XPO7: variants seen among roughly 807,000 people sequenced by gnomAD.
XPO7 encodes the protein exportin 7.
XPO7 carries 21 observed loss-of-function variants against 144.3 expected under a neutral mutation model. The ratio of observed to expected loss-of-function variants is 0.15; its 90% CI spans 0.10 to 0.21. The LOEUF is 0.21. XPO7 is among the 10% of genes least tolerant of loss of function. XPO7 has a pLI of 1.00. For synonymous variants in XPO7, 580 were observed against 499.6 expected (o/e 1.16, Z -2.15); for missense variants, 808 against 1,325.8 (o/e 0.61, Z 6.06).
chr8:21,950,352 T>G (rs1031282459), intron 1 of XPO7, among the ~76,000 whole-genome samples: 2 of 152,238 alleles, frequency 1.3e-5, no homozygotes, highest in African/African-American at 2.4e-5. Context: ...TAATTAGCTT[T>G]AGTGCCATTC....
chr8:22,003,971 G>A lies in XPO7; in HGVS notation c.3111G>A (p.Leu1037=), dbSNP rs1282421850. ...CGGAGAAGCAGCAGGCCATGCACCT[G>A]TGTTTTGAGAACCTGATGGAAGGCA... ...QPPEKQQAMH[L]CFENLMEGIE... The change falls in exon 27 of 28, where the codon CTG becomes CTA. Residue 1037 remains leucine, a synonymous_variant. Transcript: ENST00000252512. 6.2e-7 allele frequency: 1 copy of A among 1,613,804 alleles called. No individual in the cohort carries two copies. Among genetic ancestry groups the A allele is most frequent in the African/African-American group, 1.3e-5 (1 of 74,894 alleles).
chr8:21,937,912 C>G (rs1012265263), intron 1 of XPO7, among the ~76,000 whole-genome samples: 1 of 152,136 alleles, frequency 6.6e-6, no homozygotes, highest in Non-Finnish European at 1.5e-5. Context: ...TAAACTCCCA[C>G]TTTCATTAAA....
chr8:21,956,562 G>T (rs1213244840), intron 1 of XPO7, among the ~76,000 whole-genome samples: 1 of 152,078 alleles, frequency 6.6e-6, no homozygotes, highest in African/African-American at 2.4e-5. Context: ...TGGATGTTAG[G>T]CCTATGGAAC....
rs762036131 is a variant in XPO7, at chr8:21,966,985, A to C, written c.147A>C (p.Leu49=). 2.9e-5 allele frequency: 46 copies of C among 1,613,314 alleles called. No individual in the cohort carries two copies. In the Admixed American group the frequency reaches 6.7e-4, roughly 23 times the overall value. ...NSPDCLSKCQ[L]LLERGSSSYS... Reference sequence around the variant, plus strand: ...CTGATTGCCTGAGCAAGTGCCAGCTACTCCTCGAAAGAGGAAGTGTGCGTA... The same window carrying C: ...CTGATTGCCTGAGCAAGTGCCAGCTCCTCCTCGAAAGAGGAAGTGTGCGTA... The change falls in exon 2 of 28, where the codon CTA becomes CTC. Residue 49 remains leucine, a synonymous_variant. Transcript: ENST00000252512.
intron 1 of XPO7, among the ~76,000 whole-genome samples, chr8:21,964,875 A>C (rs1811834717): frequency 6.6e-6 from 1 of 152,228 alleles, no homozygotes; most frequent in African/African-American, 2.4e-5. Context: ...GTTGTAATAA[A>C]CATAAACAAG....
chr8:21,958,205 A>G (rs1337193833), intron 1 of XPO7, among the ~76,000 whole-genome samples: 1 of 152,134 alleles, frequency 6.6e-6, no homozygotes, highest in Non-Finnish European at 1.5e-5. Context: ...GCCAGAAATA[A>G]AACTGATCCT....
intron 1 of XPO7, among the ~76,000 whole-genome samples, chr8:21,934,476 T>C (rs994615826): frequency 2.6e-5 from 4 of 152,038 alleles, no homozygotes; most frequent in East Asian, 3.9e-4. Flanking sequence ...GAGGTTACGG[T>C]GAGCCGAGAT....
intron 1 of XPO7, among the ~76,000 whole-genome samples, chr8:21,936,400 A>T (rs118128291): frequency 6.6e-6 from 1 of 152,168 alleles, no homozygotes; most frequent in East Asian, 1.9e-4. Flanking sequence ...TATCCATGTC[A>T]CTAGATTTCT....
chr8:21,940,285 G>A lies in XPO7; in HGVS notation c.18+20497G>A, dbSNP rs144007517. ...ATTTACCCTGCCTATTTCTTTGTGA[G>A]CTAAACCAATAGATAACTAAATAGT... On this transcript the variant is annotated intron_variant, in intron 1 of 27. Coordinates refer to ENST00000252512, the MANE Select transcript of XPO7 (RefSeq NM_015024.5). Among the ~76,000 whole-genome samples, 93 of 152,260 alleles carry A rather than the reference G, an allele frequency of 6.1e-4. No individual in the cohort carries two copies. The East Asian group carries it at 0.012, about 20-fold the overall frequency.
At chr8:21,968,048 G>A (rs548564737) in intron 2 of XPO7, among the ~76,000 whole-genome samples, 7 of 152,084 alleles carry the variant, frequency 4.6e-5, no homozygotes, top group Non-Finnish European at 5.9e-5. Context: ...CTTCCCAGTC[G>A]TGCTTACCTA....
At chr8:21,984,411 C>T (rs983120871) in intron 11 of XPO7, among the ~76,000 whole-genome samples, 8 of 152,100 alleles carry the variant, frequency 5.3e-5, no homozygotes, top group African/African-American at 1.9e-4. Flanking sequence ...GTTGAGAATT[C>T]AGATTGTAAG....
chr8:21,960,695 C>T (rs1337531630), intron 1 of XPO7, among the ~76,000 whole-genome samples: 1 of 152,110 alleles, frequency 6.6e-6, no homozygotes. Flanking sequence ...CTTGTTTTAC[C>T]GTAGTAGACA....
Position 21,970,187 on chromosome 8 carries a change from T to C in XPO7, c.303T>C (p.Ala101=), listed in dbSNP as rs946918784. The C allele has an allele frequency of 1.9e-6, 3 of 1,613,826 alleles. No individual in the cohort carries two copies. The highest frequency in any genetic ancestry group is 1.7e-5 in the Admixed American group (1 of 59,992). The part of the protein sequence containing the change: ...LNYLATRPKL[A]TFVTQALIQL... Reference sequence around the variant, plus strand: ...ACCTTGCCACTCGGCCGAAGTTGGCTACTTTCGTGACACAAGCACTTATTC... The same window carrying C: ...ACCTTGCCACTCGGCCGAAGTTGGCCACTTTCGTGACACAAGCACTTATTC... The change falls in exon 4 of 28, where the codon GCT becomes GCC. Residue 101 remains alanine (A), a synonymous_variant. Coordinates refer to ENST00000252512, the MANE Select transcript of XPO7 (RefSeq NM_015024.5).
At chr8:21,978,725 G>T (rs956244663) in intron 8 of XPO7, among the ~76,000 whole-genome samples, 2 of 152,196 alleles carry the variant, frequency 1.3e-5, no homozygotes, top group Non-Finnish European at 2.9e-5. Flanking sequence ...AAGGAAACCT[G>T]GAGAGAGTTG....
chr8:21,935,589 CAT>C (rs1363719948), intron 1 of XPO7, among the ~76,000 whole-genome samples: 1 of 152,138 alleles, frequency 6.6e-6, no homozygotes, highest in Non-Finnish European at 1.5e-5. Context: ...GCTTTTTTCT[CAT>C]AGATAGGACT....
At chr8:21,995,273 A>G (rs187993785) in intron 20 of XPO7, among the ~76,000 whole-genome samples, 3 of 152,296 alleles carry the variant, frequency 2.0e-5, no homozygotes, top group Admixed American at 1.3e-4. Context: ...GAAAGGCCCT[A>G]TGTAAACTAA....
intron 4 of XPO7, among the ~76,000 whole-genome samples, chr8:21,971,409 T>C (rs1812059748): frequency 6.6e-6 from 1 of 152,216 alleles, no homozygotes; most frequent in African/African-American, 2.4e-5. Context: ...TGGTATCTTA[T>C]TGTTTGGGTT....
At chr8:21,965,001 T>C (rs1481719876) in intron 1 of XPO7, among the ~76,000 whole-genome samples, 1 of 152,178 alleles carries the variant, frequency 6.6e-6, no homozygotes, top group African/African-American at 2.4e-5. Flanking sequence ...AAGCTCAAAG[T>C]GTGTGATGGC....
At chr8:21,963,915 A>G (rs1811806221) in intron 1 of XPO7, among the ~76,000 whole-genome samples, 1 of 152,220 alleles carries the variant, frequency 6.6e-6, no homozygotes, top group Non-Finnish European at 1.5e-5. Context: ...AGAATAACTT[A>G]GCTGCATATC....
Sources: gnomAD v4.1 joint callset for allele counts (sites outside exome capture counted in the v4.1 genomes callset) on GRCh38, gnomAD v4.1.1 for gene constraint, MANE v1.5 for transcripts, NCBI Gene and HGNC (gene_info 2026-07-23, HGNC 2026-07-21) for gene names.